The following ITGA2 variants were observed in gnomAD, a reference collection of about 807,000 sequenced individuals.
ITGA2 encodes integrin subunit alpha 2, also known as integrin alpha-2.
ITGA2 carries 101 observed loss-of-function variants against 146.3 expected under a neutral mutation model. That is an observed-to-expected ratio of 0.69 (90% CI 0.59 to 0.81). The LOEUF is 0.81. Ranked by LOEUF, ITGA2 falls within the 40% of genes least tolerant of loss-of-function variation. The pLI is 0.00. For missense variants in ITGA2, 1,281 were observed against 1,402.7 expected (o/e 0.91, Z 1.39); for synonymous variants, 477 against 487.1 (o/e 0.98, Z 0.27).
chr5:53,056,540 A>G (rs1265994848), intron 9 of ITGA2, among the ~76,000 whole-genome samples: 3 of 151,974 alleles, frequency 2.0e-5, no homozygotes, highest in Non-Finnish European at 2.9e-5. Context: ...TTGGGGGACA[A>G]TGTATGAATA....
chr5:53,089,498 A>T (rs2112049704), intron 28 of ITGA2: 1 of 161,848 alleles, frequency 6.2e-6, no homozygotes, highest in Admixed American at 6.1e-5. Flanking sequence ...ATGAGGTTTA[A>T]GTGAAACTAG....
intron 26 of ITGA2, among the ~76,000 whole-genome samples, chr5:53,082,149 G>T (rs1745951852): frequency 6.6e-6 from 1 of 152,104 alleles, no homozygotes; most frequent in African/African-American, 2.4e-5. Context: ...GCACTTCTCT[G>T]TTTTTCAATA....
intron 9 of ITGA2, among the ~76,000 whole-genome samples, chr5:53,056,893 A>G (rs1744665904): frequency 6.6e-6 from 1 of 151,920 alleles, no homozygotes; most frequent in South Asian, 2.1e-4. Flanking sequence ...CTTTGCAATA[A>G]AGACCATATG....
chr5:53,076,586 C>T lies in ITGA2; in HGVS notation c.2825+1282C>T, dbSNP rs149386503. On this transcript the variant is annotated intron_variant, in intron 23 of 29. Coordinates refer to ENST00000296585, the MANE Select transcript of ITGA2 (RefSeq NM_002203.4). ...CAACCAACCCAAATTGATGTTACCA[C>T]ATTACCTGAATTTTTTCCTTCTTAT... 5.3e-5 allele frequency among the ~76,000 whole-genome samples: 8 copies of T among 152,132 alleles called. No individual in the cohort carries two copies. The East Asian group carries it at 1.6e-3, about 30-fold the overall frequency.
chr5:53,044,648 C>T (rs1269668205), intron 3 of ITGA2, among the ~76,000 whole-genome samples: 1 of 150,882 alleles, frequency 6.6e-6, no homozygotes, highest in Non-Finnish European at 1.5e-5. Context: ...AAAAAAAAGG[C>T]ATTAGATAGA....
intron 12 of ITGA2, 85 bp downstream of exon 12, chr5:53,061,131 C>T: frequency 7.4e-7 from 1 of 1,342,364 alleles, no homozygotes. Flanking sequence ...TGGAAAACAA[C>T]ATGGCCTGAG....
chr5:53,038,678 C>G (rs12520747), intron 2 of ITGA2, among the ~76,000 whole-genome samples: 99,227 of 151,994 alleles, frequency 0.65, 32,833 homozygotes, highest in Non-Finnish European at 0.7. Flanking sequence ...CTAGCCTAAG[C>G]GTTAAGAACC....
intron 16 of ITGA2, among the ~76,000 whole-genome samples, chr5:53,067,773 A>G (rs983146886): frequency 6.6e-6 from 1 of 151,982 alleles, no homozygotes; most frequent in African/African-American, 2.4e-5. Flanking sequence ...AGAAATGAGT[A>G]AAAGTCTGAA....
At chr5:53,051,327 A>T in intron 6 of ITGA2, 84 bp from the exon 7 acceptor site, 2 of 1,424,560 alleles carry the variant, frequency 1.4e-6, no homozygotes, top group Non-Finnish European at 9.8e-7. Flanking sequence ...GTCTAAATGT[A>T]CTTTTGATTT....
chr5:53,064,864 CAAGTTGT>C, intron 13 of ITGA2, 41 bp from the exon 14 acceptor site: 1 of 1,558,182 alleles, frequency 6.4e-7, no homozygotes, highest in Non-Finnish European at 8.8e-7. Flanking sequence ...TTTAATTATA[CAAGTTGT>C]AAGGTTTGCT....
At position 53,055,567 on chromosome 5, in the gene ITGA2, G is replaced by A; in HGVS notation, c.809G>A (p.Gly270Glu). The change falls in exon 8 of 30, where the codon GGG (glycine) becomes GAG (glutamate). Residue 270 changes from glycine to glutamate, a missense_variant. Coordinates refer to ENST00000296585, the MANE Select transcript of ITGA2 (RefSeq NM_002203.4). The part of the protein sequence containing the change: ...RKYAYSAASG[G>E]RRSATKVMVV... ...TATGCTTATTCAGCAGCTTCTGGTG[G>A]GCGACGAAGTGCTACGAAAGTAATG... The A allele has an allele frequency of 6.2e-7, 1 of 1,612,978 alleles. No homozygotes were observed. The highest frequency in any genetic ancestry group is 8.5e-7 in the Non-Finnish European group (1 of 1,179,292).
intron 1 of ITGA2, among the ~76,000 whole-genome samples, chr5:53,014,269 G>A (rs1742296099): frequency 6.6e-6 from 1 of 152,088 alleles, no homozygotes; most frequent in African/African-American, 2.4e-5. Flanking sequence ...TTTGAGGTAT[G>A]TTTCTTCAGT....
At chr5:53,015,788 T>C (rs1742375718) in intron 1 of ITGA2, among the ~76,000 whole-genome samples, 1 of 152,130 alleles carries the variant, frequency 6.6e-6, no homozygotes, top group African/African-American at 2.4e-5. Context: ...GGTGCATACG[T>C]ATTTAGGGTA....
Position 53,051,456 on chromosome 5 carries a change from T to C in ITGA2, c.676T>C (p.Leu226=), listed in dbSNP as rs780450224. ...CAATAATCCAAGAGTTGTGTTTAAC[T>C]TGAACACATATAAAACCAAAGAAGA... ...YANNPRVVFN[L]NTYKTKEEMI... is the part of the protein sequence containing the mutation. Residue 226 remains leucine (L), a synonymous_variant, in exon 7 of 30, where the codon TTG becomes CTG. Transcript: ENST00000296585. The C allele has an allele frequency of 3.1e-6, 5 of 1,613,500 alleles. No individual in the cohort carries two copies. The African/African-American group carries it at 4.0e-5, about 13-fold the overall frequency.
chr5:53,069,301 T>G (rs1416519966), intron 16 of ITGA2, among the ~76,000 whole-genome samples: 2 of 151,878 alleles, frequency 1.3e-5, no homozygotes, highest in Non-Finnish European at 2.9e-5. Flanking sequence ...TCACATAATT[T>G]TTTTTCATGA....
intron 2 of ITGA2, among the ~76,000 whole-genome samples, chr5:53,033,065 C>G (rs1561105998): frequency 6.6e-6 from 1 of 152,086 alleles, no homozygotes; most frequent in South Asian, 2.1e-4. Context: ...GTCAGGAGTT[C>G]GAGACCAGTC....
At chr5:53,068,375 C>G (rs577798304) in intron 16 of ITGA2, among the ~76,000 whole-genome samples, 1 of 151,836 alleles carries the variant, frequency 6.6e-6, no homozygotes, top group African/African-American at 2.4e-5. Flanking sequence ...AGTCAAAAAC[C>G]GTTGCTGCAT....
intron 12 of ITGA2, among the ~76,000 whole-genome samples, chr5:53,061,853 A>G (rs1182026345): frequency 1.3e-5 from 2 of 151,900 alleles, no homozygotes; most frequent in African/African-American, 2.4e-5. Context: ...TGCTGTTCCT[A>G]TGGATTTTCT....
chr5:53,079,014 T>A, intron 24 of ITGA2, 140 bp downstream of exon 24: 2 of 675,416 alleles, frequency 3.0e-6, no homozygotes, highest in East Asian at 5.5e-5. Context: ...TACAATCACC[T>A]GGAGGAATTG....
Sources: gnomAD v4.1 joint callset for allele counts (sites outside exome capture counted in the v4.1 genomes callset) on GRCh38, gnomAD v4.1.1 for gene constraint, MANE v1.5 for transcripts, NCBI Gene and HGNC (gene_info 2026-07-23, HGNC 2026-07-21) for gene names.